The following CUX2 variants were observed in gnomAD, a reference collection of about 807,000 sequenced individuals.
The protein encoded by CUX2 is homeobox protein cut-like 2.
CUX2 carries 40 observed loss-of-function variants against 144.8 expected under a neutral mutation model. The observed-to-expected ratio is 0.28, with a 90% confidence interval of 0.21 to 0.36. CUX2 has a LOEUF of 0.36. Among genes scored for constraint, CUX2 ranks in the 10% least tolerant of loss-of-function variants. The probability of loss-of-function intolerance (pLI) is 1.00; values close to 1 mark genes in which losing one functional copy is unlikely to be tolerated. For missense variants in CUX2, 1,615 were observed against 1,994.0 expected (o/e 0.81, Z 3.62); for synonymous variants, 827 against 875.6 (o/e 0.94, Z 0.98).
chr12:111,341,668 A>T (rs1356083200), intron 20 of CUX2, 112 bp from the exon 21 acceptor site: 4 of 1,280,008 alleles, frequency 3.1e-6, no homozygotes, highest in Non-Finnish European at 4.3e-6. Context: ...TTAGGGCATG[A>T]TGGCCTCCGA....
intron 3 of CUX2, among the ~76,000 whole-genome samples, chr12:111,233,105 T>C (rs1882561640): frequency 6.6e-6 from 1 of 152,138 alleles, no homozygotes; most frequent in Non-Finnish European, 1.5e-5. Context: ...GTAAAAGGAA[T>C]AGCAGGTACA....
intron 17 of CUX2, among the ~76,000 whole-genome samples, chr12:111,321,473 GAAA>G (rs139366100): frequency 1.5e-5 from 2 of 136,340 alleles, no homozygotes; most frequent in African/African-American, 5.4e-5. Flanking sequence ...CATCTCAAAA[GAAA>G]AAAAAAAAAG....
chr12:111,083,184 G>T (rs990992483), intron 1 of CUX2, among the ~76,000 whole-genome samples: 1 of 152,238 alleles, frequency 6.6e-6, no homozygotes, highest in Admixed American at 6.5e-5. Context: ...AAGAACCACG[G>T]TACCACCTTA....
chr12:111,267,195 C>CAAAAAA (rs11290695), intron 4 of CUX2, among the ~76,000 whole-genome samples: 1 of 66,354 alleles, frequency 1.5e-5, no homozygotes, highest in Non-Finnish European at 3.2e-5. Flanking sequence ...AAGACCCTGT[C>CAAAAAA]AAAAAAAAAA....
intron 1 of CUX2, among the ~76,000 whole-genome samples, chr12:111,148,577 G>A (rs974521392): frequency 2.6e-5 from 4 of 152,202 alleles, no homozygotes; most frequent in African/African-American, 9.7e-5. Context: ...TATTACTACA[G>A]CTACTGCTGC....
intron 1 of CUX2, among the ~76,000 whole-genome samples, chr12:111,082,389 AG>A (rs1489844717): frequency 6.6e-6 from 1 of 152,196 alleles, no homozygotes; most frequent in African/African-American, 2.4e-5. Context: ...TGATTCCAGG[AG>A]TTTTCTGAAT....
chr12:111,231,346 C>G (rs1882454697), intron 3 of CUX2, among the ~76,000 whole-genome samples: 1 of 152,150 alleles, frequency 6.6e-6, no homozygotes, highest in South Asian at 2.1e-4. Context: ...TTAATGTCCT[C>G]AAGGTTCACA....
intron 1 of CUX2, among the ~76,000 whole-genome samples, chr12:111,153,917 C>CCT (rs1477842149): frequency 6.6e-6 from 1 of 152,162 alleles, no homozygotes; most frequent in African/African-American, 2.4e-5. Context: ...TCTTCTAAAG[C>CCT]CTCTCTCCTT....
chr12:111,321,730 C>T (rs1887544745), intron 17 of CUX2, among the ~76,000 whole-genome samples: 1 of 151,996 alleles, frequency 6.6e-6, no homozygotes, highest in Non-Finnish European at 1.5e-5. Flanking sequence ...TAAAGCTCAC[C>T]CTAGCCAGGG....
intron 1 of CUX2, among the ~76,000 whole-genome samples, chr12:111,179,833 T>C (rs567925537): frequency 3.3e-5 from 5 of 152,236 alleles, no homozygotes; most frequent in African/African-American, 1.2e-4. Context: ...CATACCACCA[T>C]GCCACCATGC....
chr12:111,171,797 G>A lies in CUX2; in HGVS notation c.64-42403G>A, dbSNP rs1878538712. ...CTCCCGGGGAAGGAGCCGGAGAGAA[G>A]GCAGAGCTTGGGAAATTGGCCCTCT... On this transcript the variant is annotated intron_variant, in intron 1 of 21. Coordinates refer to ENST00000261726, the MANE Select transcript of CUX2 (RefSeq NM_015267.4). This position sits in a 1 kb window ranked among gnomAD's most constrained non-coding sequence, Gnocchi z 5.0. Among the ~76,000 whole-genome samples, 1 of 152,254 alleles carries A rather than the reference G, an allele frequency of 6.6e-6. No individual in the cohort carries two copies. The highest frequency in any genetic ancestry group is 1.5e-5 in the Non-Finnish European group (1 of 68,046).
At chr12:111,342,171 A>G (rs903273874) in intron 21 of CUX2, 118 bp downstream of exon 21, 8 of 1,201,512 alleles carry the variant, frequency 6.7e-6, no homozygotes, top group African/African-American at 1.5e-5. Flanking sequence ...ACCCCATCAC[A>G]TAGGCACTTA....
intron 1 of CUX2, among the ~76,000 whole-genome samples, chr12:111,185,790 C>T (rs915153150): frequency 6.6e-6 from 1 of 152,144 alleles, no homozygotes; most frequent in East Asian, 1.9e-4. Context: ...TCAGCCTGGC[C>T]GAGGGGGACA....
chr12:111,152,678 C>T (rs1877122302), intron 1 of CUX2, among the ~76,000 whole-genome samples: 1 of 152,204 alleles, frequency 6.6e-6, no homozygotes, highest in African/African-American at 2.4e-5. Context: ...AAGCAAAAAC[C>T]ATTTGCTCTT....
chr12:111,327,287 G>C (rs1301575978), intron 18 of CUX2, among the ~76,000 whole-genome samples: 1 of 152,088 alleles, frequency 6.6e-6, no homozygotes, highest in African/African-American at 2.4e-5. Context: ...ATATTCCATT[G>C]TATGGATAGA....
intron 1 of CUX2, among the ~76,000 whole-genome samples, chr12:111,159,724 A>G (rs1205343381): frequency 6.6e-6 from 1 of 152,192 alleles, no homozygotes; most frequent in Non-Finnish European, 1.5e-5. Flanking sequence ...GTGCAGCCCT[A>G]TTTAAAAACA....
intron 4 of CUX2, among the ~76,000 whole-genome samples, chr12:111,272,162 A>T (rs1166396404): frequency 6.6e-6 from 1 of 152,216 alleles, no homozygotes; most frequent in Admixed American, 6.6e-5. Flanking sequence ...TGATAGAAGT[A>T]GCAGGGGAGG....
intron 1 of CUX2, among the ~76,000 whole-genome samples, chr12:111,065,829 T>G (rs1870999454): frequency 6.6e-6 from 1 of 152,144 alleles, no homozygotes; most frequent in Non-Finnish European, 1.5e-5. Context: ...CCAACCCAGA[T>G]CTCCTGAGTC....
chr12:111,105,504 T>C (rs1873544722), intron 1 of CUX2, among the ~76,000 whole-genome samples: 1 of 152,154 alleles, frequency 6.6e-6, no homozygotes. Context: ...TGTGTGTGTG[T>C]GTGTGCTCAC....
Sources: allele counts gnomAD v4.1 joint callset (sites outside exome capture counted in the v4.1 genomes callset), GRCh38; gene constraint gnomAD v4.1.1; non-coding constraint Gnocchi (gnomAD v3.1); transcripts MANE v1.5; gene names NCBI Gene and HGNC (gene_info 2026-07-23, HGNC 2026-07-21).